The following FGF2 variants were observed in gnomAD, a reference collection of about 807,000 sequenced individuals.
FGF2 encodes the protein basic fibroblast growth factor bFGF.
In FGF2, 13 loss-of-function variants were observed where a neutral mutation model predicts 15.9. That is an observed-to-expected ratio of 0.82 (90% CI 0.53 to 1.30). The LOEUF (loss-of-function observed/expected upper bound fraction) is 1.30, where lower values mean the gene tolerates loss of function less well. FGF2 is among the 50% of genes most tolerant of loss of function. The probability of loss-of-function intolerance (pLI) is 0.00; values close to 1 mark genes in which losing one functional copy is unlikely to be tolerated. For missense variants in FGF2, 163 were observed against 196.9 expected (o/e 0.83, Z 1.03); for synonymous variants, 90 against 78.4 (o/e 1.15, Z -0.78).
intron 1 of FGF2, among the ~76,000 whole-genome samples, chr4:122,834,782 C>T (rs1237045362): frequency 6.6e-6 from 1 of 152,176 alleles, no homozygotes; most frequent in Non-Finnish European, 1.5e-5. Context: ...TAAGCCTTCC[C>T]CAAAACTCAA....
At chr4:122,838,465 T>C (rs1444430746) in intron 1 of FGF2, among the ~76,000 whole-genome samples, 1 of 152,258 alleles carries the variant, frequency 6.6e-6, no homozygotes, top group Non-Finnish European at 1.5e-5. Context: ...GTTGTTATCT[T>C]CATTTGACAA....
chr4:122,827,512 C>T lies in FGF2; in HGVS notation c.178+160C>T, dbSNP rs1649564227. 1.3e-5 allele frequency among the ~76,000 whole-genome samples: 2 copies of T among 152,162 alleles called. No homozygotes were observed. The highest frequency in any genetic ancestry group is 4.1e-4 in the South Asian group (2 of 4,830). ...CCTCGGCGGTTTCGGGTTCACCACT[C>T]ACCCCCTCCTTTCCGGGCTGCGGCG... On this transcript the variant is annotated intron_variant, in intron 1 of 2. Transcript: ENST00000644866. The surrounding 1 kb of genome is among the most constrained non-coding windows in gnomAD (Gnocchi z 4.2).
chr4:122,856,424 C>T (rs1335693241), intron 1 of FGF2, among the ~76,000 whole-genome samples: 2 of 152,040 alleles, frequency 1.3e-5, no homozygotes, highest in Non-Finnish European at 2.9e-5. Context: ...GCTCTTCTGC[C>T]CTTGGGTTCT....
intron 1 of FGF2, among the ~76,000 whole-genome samples, chr4:122,868,833 CATT>C (rs1191959245): frequency 6.6e-6 from 1 of 152,126 alleles, no homozygotes; most frequent in Non-Finnish European, 1.5e-5. Flanking sequence ...GATGGTATCT[CATT>C]GTGGTTTTGA....
At chr4:122,852,737 C>T (rs1726261041) in intron 1 of FGF2, among the ~76,000 whole-genome samples, 1 of 152,062 alleles carries the variant, frequency 6.6e-6, no homozygotes, top group Non-Finnish European at 1.5e-5. Context: ...CATTTTTTAC[C>T]AAAATTCAAA....
intron 2 of FGF2, among the ~76,000 whole-genome samples, chr4:122,884,878 T>C (rs1479116897): frequency 2.0e-5 from 3 of 152,176 alleles, no homozygotes; most frequent in Non-Finnish European, 4.4e-5. Context: ...TATTGTGTAC[T>C]AAGGCTACTA....
rs143152904 is a variant in FGF2 at position 122,876,690 on chromosome 4, T to G, written c.282+266T>G. 2.0e-5 allele frequency among the ~76,000 whole-genome samples: 3 copies of G among 152,230 alleles called. No individual in the cohort carries two copies. In the South Asian group the frequency reaches 6.2e-4, roughly 32 times the overall value. ...CTGACCTCTAAGTCACTGCTTTTACTCTGCAAAACTATTAAGCTATAATTT... is the reference window on the plus strand; with the variant it reads ...CTGACCTCTAAGTCACTGCTTTTACGCTGCAAAACTATTAAGCTATAATTT... On this transcript the variant is annotated intron_variant, in intron 2 of 2. Coordinates refer to ENST00000644866, the MANE Select transcript of FGF2 (RefSeq NM_001361665.2).
intron 1 of FGF2, among the ~76,000 whole-genome samples, chr4:122,863,466 C>G (rs1726513259): frequency 6.6e-6 from 1 of 152,148 alleles, no homozygotes; most frequent in East Asian, 1.9e-4. Context: ...ACAGGCATGG[C>G]TGTTTCATGC....
intron 1 of FGF2, among the ~76,000 whole-genome samples, chr4:122,844,455 C>A (rs749854165): frequency 1.3e-5 from 2 of 152,124 alleles, no homozygotes; most frequent in Non-Finnish European, 1.5e-5. Flanking sequence ...ATTTTGACTT[C>A]CTCCCATGAA....
intron 1 of FGF2, among the ~76,000 whole-genome samples, chr4:122,856,359 C>T (rs982306760): frequency 3.9e-5 from 6 of 152,154 alleles, no homozygotes; most frequent in African/African-American, 1.4e-4. Flanking sequence ...ACTCAGTCAA[C>T]AATGAATTGT....
chr4:122,838,173 T>C (rs1200688604), intron 1 of FGF2, among the ~76,000 whole-genome samples: 3 of 152,106 alleles, frequency 2.0e-5, no homozygotes, highest in Non-Finnish European at 4.4e-5. Flanking sequence ...CATAGATTAT[T>C]TTTTGGAGGG....
At chr4:122,887,413 C>A (rs1180923970) in intron 2 of FGF2, among the ~76,000 whole-genome samples, 1 of 152,036 alleles carries the variant, frequency 6.6e-6, no homozygotes, top group East Asian at 1.9e-4. Context: ...TTTTAGCAGT[C>A]CCCCCCACTT....
chr4:122,871,392 T>A (rs2150781503), intron 1 of FGF2, among the ~76,000 whole-genome samples: 1 of 152,202 alleles, frequency 6.6e-6, no homozygotes, highest in East Asian at 1.9e-4. Context: ...TTCTGTCTCA[T>A]TGATCTAATA....
chr4:122,829,803 A>G (rs1460027563), intron 1 of FGF2, among the ~76,000 whole-genome samples: 1 of 152,212 alleles, frequency 6.6e-6, no homozygotes, highest in African/African-American at 2.4e-5. Context: ...TAAAAATGAC[A>G]AATTTCATCT....
At chr4:122,883,753 A>C (rs1399325030) in intron 2 of FGF2, among the ~76,000 whole-genome samples, 2 of 152,252 alleles carry the variant, frequency 1.3e-5, no homozygotes, top group South Asian at 4.1e-4. Context: ...AGAAAGTTGC[A>C]CATTGTTTTC....
chr4:122,886,463 A>G (rs1195549695), intron 2 of FGF2, among the ~76,000 whole-genome samples: 1 of 152,180 alleles, frequency 6.6e-6, no homozygotes, highest in East Asian at 1.9e-4. Flanking sequence ...TAAGAGATGG[A>G]GATGATGGTT....
chr4:122,897,467 C>A lies in FGF2; in HGVS notation c.*5071C>A. On this transcript the variant is annotated 3_prime_UTR_variant, in exon 3 of 3. Transcript: ENST00000644866. ...AACTGTAATATTAGAAATTATGCTGCTAATTATATCAGCTCTGAGGTAATT... is the reference window on the plus strand; with the variant it reads ...AACTGTAATATTAGAAATTATGCTGATAATTATATCAGCTCTGAGGTAATT... 1.5e-6 allele frequency: 1 copy of A among 649,170 alleles called. No individual in the cohort carries two copies. The highest frequency in any genetic ancestry group is 1.8e-5 in the South Asian group (1 of 56,048). 40.2% of individuals were successfully genotyped at this position (649,170 alleles called of 1,614,324 possible). A position where few individuals can be genotyped will look rare whatever the true frequency, so the allele number is the denominator to read the frequency against.
chr4:122,882,852 A>G (rs1319647395), intron 2 of FGF2: 1 of 152,032 alleles, frequency 6.6e-6, no homozygotes, highest in Non-Finnish European at 1.5e-5. Context: ...GTCTCTTTCA[A>G]ATGTTCTTGG....
intron 1 of FGF2, among the ~76,000 whole-genome samples, chr4:122,857,676 T>G (rs1274513378): frequency 6.6e-6 from 1 of 152,186 alleles, no homozygotes; most frequent in African/African-American, 2.4e-5. Context: ...AGCCAGTACA[T>G]AAGATATTGG....
Sources: allele counts gnomAD v4.1 joint callset (sites outside exome capture counted in the v4.1 genomes callset), GRCh38; gene constraint gnomAD v4.1.1; non-coding constraint Gnocchi (gnomAD v3.1); transcripts MANE v1.5; gene names NCBI Gene and HGNC (gene_info 2026-07-23, HGNC 2026-07-21).